The following IL19 variants were observed in gnomAD, a reference collection of about 807,000 sequenced individuals.
IL19 encodes interleukin 19.
IL19 carries 15 observed loss-of-function variants against 19.5 expected under a neutral mutation model. That is an observed-to-expected ratio of 0.77 (90% confidence interval 0.52 to 1.19). IL19 has a LOEUF of 1.19. Ranked by LOEUF, IL19 falls within the 50% of genes most tolerant of loss-of-function variation. The pLI, the probability that IL19 is intolerant of heterozygous loss-of-function variation, is 0.00. For synonymous variants in IL19, 78 were observed against 78.3 expected (o/e 1.00, Z 0.02); for missense variants, 199 against 213.1 (o/e 0.93, Z 0.41).
chr1:206,815,742 G>T (rs1033941252), intron 2 of IL19, among the ~76,000 whole-genome samples: 25 of 152,126 alleles, frequency 1.6e-4, no homozygotes, highest in African/African-American at 5.8e-4. Context: ...ATCCATGGGA[G>T]AGGAAGAAAG....
chr1:206,807,255 G>A (rs1198070616), intron 2 of IL19, among the ~76,000 whole-genome samples: 1 of 152,170 alleles, frequency 6.6e-6, no homozygotes, highest in Non-Finnish European at 1.5e-5. Context: ...TACAATTCAA[G>A]ATGAGATTTG....
intron 2 of IL19, among the ~76,000 whole-genome samples, chr1:206,809,777 A>C (rs907059300): frequency 2.6e-5 from 4 of 152,228 alleles, no homozygotes; most frequent in African/African-American, 7.2e-5. Flanking sequence ...GATAATGATA[A>C]GGACAAATTT....
chr1:206,836,159 T>C (rs1207173844), intron 2 of IL19, among the ~76,000 whole-genome samples: 1 of 152,256 alleles, frequency 6.6e-6, no homozygotes, highest in East Asian at 1.9e-4. Flanking sequence ...AAACAAATGA[T>C]TTTAAGCAGA....
At chr1:206,774,588 C>T (rs1276399054) in intron 1 of IL19, among the ~76,000 whole-genome samples, 2 of 152,194 alleles carry the variant, frequency 1.3e-5, no homozygotes, top group African/African-American at 4.8e-5. Flanking sequence ...TGAACCCCTC[C>T]TTCCTTTGTT....
At chr1:206,772,504 C>T (rs1674883604) in intron 1 of IL19, 3 of 1,386,686 alleles carry the variant, frequency 2.2e-6, no homozygotes, top group Non-Finnish European at 3.1e-6. Flanking sequence ...TAGACCTTCA[C>T]CTCTCTGTCC....
intron 1 of IL19, among the ~76,000 whole-genome samples, chr1:206,787,872 A>G (rs769653362): frequency 6.6e-6 from 1 of 152,116 alleles, no homozygotes; most frequent in East Asian, 1.9e-4. Flanking sequence ...CAAGCTACAC[A>G]ATCTTTTCCT....
chr1:206,818,538 G>T (rs889588572), intron 2 of IL19, among the ~76,000 whole-genome samples: 10 of 152,220 alleles, frequency 6.6e-5, no homozygotes, highest in Non-Finnish European at 2.9e-5. Context: ...GAGCAGGGTT[G>T]GAGTGGGGAT....
chr1:206,775,729 C>G (rs377501604), intron 1 of IL19, among the ~76,000 whole-genome samples: 1 of 152,206 alleles, frequency 6.6e-6, no homozygotes, highest in South Asian at 2.1e-4. Context: ...AAGTCCCAAG[C>G]CCATAGGTCA....
intron 6 of IL19, 111 bp downstream of exon 6, chr1:206,841,189 C>A (rs557677806): frequency 3.7e-6 from 3 of 805,050 alleles, no homozygotes; most frequent in Middle Eastern, 2.3e-4. Flanking sequence ...CTATAAGCAG[C>A]CATTGTGGGC....
At chr1:206,821,396 G>A (rs1676286296) in intron 2 of IL19, among the ~76,000 whole-genome samples, 1 of 152,250 alleles carries the variant, frequency 6.6e-6, no homozygotes, top group South Asian at 2.1e-4. Context: ...ATAAGCATTT[G>A]TTGTTGCTAT....
At position 206,840,013 on chromosome 1, in the gene IL19, G is replaced by A; in HGVS notation, c.363+11G>A. The A allele has an allele frequency of 6.2e-7, 1 of 1,614,144 alleles. No individual in the cohort carries two copies. The highest frequency in any genetic ancestry group is 8.5e-7 in the Non-Finnish European group (1 of 1,180,004). On this transcript the variant is annotated intron_variant, in intron 5 of 6. Transcript: ENST00000659997. Reference sequence around the variant, plus strand: ...ACTCTGCGGCAATGTGTGAGTCACTGGGTCAGAATTCCAGCATCTGCTCCC... The same window carrying A: ...ACTCTGCGGCAATGTGTGAGTCACTAGGTCAGAATTCCAGCATCTGCTCCC...
chr1:206,786,706 G>A (rs559167161), intron 1 of IL19, among the ~76,000 whole-genome samples: 7 of 152,140 alleles, frequency 4.6e-5, no homozygotes, highest in Admixed American at 2.0e-4. Flanking sequence ...ACCAAGGTGC[G>A]GGCCTGTGGA....
intron 2 of IL19, among the ~76,000 whole-genome samples, chr1:206,826,313 A>G (rs1469114210): frequency 6.6e-6 from 1 of 152,168 alleles, no homozygotes; most frequent in Non-Finnish European, 1.5e-5. Context: ...TCCCCAGGAC[A>G]TGGTGGAGAT....
chr1:206,841,099 G>T, intron 6 of IL19, 21 bp downstream of exon 6: 1 of 1,602,150 alleles, frequency 6.2e-7, no homozygotes, highest in Non-Finnish European at 8.6e-7. Context: ...GGAAGAGGTT[G>T]GGGAAGATGG....
At chr1:206,841,148 C>A in intron 6 of IL19, 70 bp downstream of exon 6, 1 of 1,187,750 alleles carries the variant, frequency 8.4e-7, no homozygotes. Flanking sequence ...AGGCCTTCAG[C>A]CTCCTCTCCA....
chr1:206,834,294 G>A, intron 2 of IL19: 2 of 985,584 alleles, frequency 2.0e-6, no homozygotes, highest in Non-Finnish European at 1.2e-6. Context: ...AGCAAACCTT[G>A]ACAGCATTTC....
At chr1:206,801,209 C>A (rs1675674532) in intron 2 of IL19, among the ~76,000 whole-genome samples, 3 of 151,636 alleles carry the variant, frequency 2.0e-5, no homozygotes, top group African/African-American at 7.3e-5. Context: ...CTCCAGACCC[C>A]TGTGTCCTTT....
chr1:206,781,017 G>A (rs1675116415), intron 1 of IL19, among the ~76,000 whole-genome samples: 1 of 152,124 alleles, frequency 6.6e-6, no homozygotes, highest in Non-Finnish European at 1.5e-5. Context: ...TTTCTGCCTT[G>A]GAGTGTTTTC....
intron 2 of IL19, among the ~76,000 whole-genome samples, chr1:206,799,227 G>T (rs1254785456): frequency 6.6e-6 from 1 of 152,118 alleles, no homozygotes; most frequent in Non-Finnish European, 1.5e-5. Flanking sequence ...GAGTGAGGGA[G>T]TGTAGGGTGG....
Sources: allele counts gnomAD v4.1 joint callset (sites outside exome capture counted in the v4.1 genomes callset), GRCh38; gene constraint gnomAD v4.1.1; transcripts MANE v1.5; gene names NCBI Gene and HGNC (gene_info 2026-07-23, HGNC 2026-07-21).